The following BRI3BP variants were observed in gnomAD, a reference collection of about 807,000 sequenced individuals.
The protein encoded by BRI3BP is BRI3-binding protein.
BRI3BP carries 7 observed loss-of-function variants against 15.8 expected under a neutral mutation model. That is an observed-to-expected ratio of 0.44 (90% CI 0.25 to 0.83). BRI3BP has a LOEUF of 0.83. Among genes scored for constraint, BRI3BP ranks in the 40% least tolerant of loss-of-function variants. The probability of loss-of-function intolerance (pLI) is 0.20; values close to 1 mark genes in which losing one functional copy is unlikely to be tolerated. For missense variants in BRI3BP, 320 were observed against 339.3 expected (o/e 0.94, Z 0.45); for synonymous variants, 192 against 163.5 (o/e 1.17, Z -1.33).
chr12:125,014,868 G>T (rs924069688), intron 2 of BRI3BP, among the ~76,000 whole-genome samples: 1 of 152,158 alleles, frequency 6.6e-6, no homozygotes, highest in Non-Finnish European at 1.5e-5. Context: ...TCCTGGGCTC[G>T]TGATCCTCCC....
intron 1 of BRI3BP, among the ~76,000 whole-genome samples, chr12:125,010,112 AAG>A (rs954629254): frequency 6.6e-6 from 1 of 151,864 alleles, no homozygotes; most frequent in African/African-American, 2.4e-5. Flanking sequence ...AAAAAAAAAA[AAG>A]AAGAAGAATA....
Position 125,030,948 on chromosome 12 carries a change from G to A in BRI3BP, c.*5518G>A, listed in dbSNP as rs1955401557. The A allele has an allele frequency of 6.7e-6, 1 of 150,144 alleles. No homozygotes were observed. Among genetic ancestry groups the A allele is most frequent in the African/African-American group, 2.4e-5 (1 of 41,080 alleles). 9.3% of individuals were successfully genotyped at this position (150,144 alleles called of 1,614,324 possible). On this transcript the variant is annotated 3_prime_UTR_variant, in exon 3 of 3. Transcript: ENST00000341446. ...TATAAATCCATTTGATTTGAATAGT[G>A]TGTGTGTGTACATGGTGTGTGTGTG...
the BRI3BP span, among the ~76,000 whole-genome samples, chr12:125,050,524 T>C: frequency 6.6e-6 from 1 of 152,256 alleles, no homozygotes; most frequent in Non-Finnish European, 1.5e-5. Flanking sequence ...AGAAGAGACC[T>C]GCAAATTCTG....
At chr12:125,012,307 T>G (rs1183589323) in intron 1 of BRI3BP, among the ~76,000 whole-genome samples, 1 of 152,178 alleles carries the variant, frequency 6.6e-6, no homozygotes, top group African/African-American at 2.4e-5. Context: ...AGGTGCCTTG[T>G]TCAGCCCTTG....
the BRI3BP span, among the ~76,000 whole-genome samples, chr12:125,050,280 G>T: frequency 6.6e-6 from 1 of 151,830 alleles, no homozygotes; most frequent in Admixed American, 6.6e-5. Flanking sequence ...AACCCGGGAG[G>T]CAGAGGTTGC....
intron 1 of BRI3BP, among the ~76,000 whole-genome samples, chr12:124,998,778 A>G (rs1440362157): frequency 1.3e-5 from 2 of 152,170 alleles, no homozygotes; most frequent in African/African-American, 4.8e-5. Flanking sequence ...ATATGACTAC[A>G]GTTTTTTAAA....
chr12:125,016,534 G>A (rs573388219), intron 2 of BRI3BP, among the ~76,000 whole-genome samples: 49 of 151,262 alleles, frequency 3.2e-4, no homozygotes, highest in African/African-American at 1.2e-3. Context: ...GTGGGGAGTG[G>A]GGGGTAGGAG....
chr12:125,033,958 G>T (rs1565909628), downstream of BRI3BP, among the ~76,000 whole-genome samples: 1 of 151,942 alleles, frequency 6.6e-6, no homozygotes, highest in South Asian at 2.1e-4. Context: ...TGGCCAGGCT[G>T]GTCTTGAACC....
intron 1 of BRI3BP, among the ~76,000 whole-genome samples, chr12:125,009,860 G>A (rs1955182306): frequency 6.6e-6 from 1 of 152,166 alleles, no homozygotes; most frequent in Non-Finnish European, 1.5e-5. Flanking sequence ...CCAGCACTTT[G>A]GGACGCCTAG....
At position 125,025,065 on chromosome 12, in the gene BRI3BP, G is replaced by A. The variant is rs551686377; in HGVS notation, c.391G>A (p.Val131Ile). The A allele has an allele frequency of 8.1e-6, 13 of 1,613,360 alleles. No homozygotes were observed. The highest frequency in any genetic ancestry group is 1.3e-5 in the African/African-American group (1 of 74,896). ...SPARALLLVG[V>I]VLLAYWFLSL... ...GGCCCGCGCGCTCCTGCTGGTCGGC[G>A]TCGTCCTCCTGGCCTACTGGTTCTT... is the stretch of plus-strand genomic sequence containing the variant. The change falls in exon 3 of 3, where the codon GTC becomes ATC. Residue 131 changes from valine to isoleucine, a missense_variant. Val to Ile is a conservative substitution (Grantham distance 29, BLOSUM62 3). Transcript: ENST00000341446.
Position 124,993,824 on chromosome 12 carries a change from C to T in BRI3BP, c.34C>T (p.Arg12Trp). The change falls in exon 1 of 3, where the codon CGG becomes TGG. Residue 12 changes from arginine to tryptophan, a missense_variant. By Grantham distance (101) the Arg-to-Trp change is moderately radical. Transcript: ENST00000341446. The part of the protein sequence containing the change: ...GARASGGPLA[R>W]AGLLLLLLLL... ...GCGCGCCTCAGGCGGGCCCCTGGCCCGGGCCGGGCTCCTGCTGCTGCTGCT... is the reference window on the plus strand; with the variant it reads ...GCGCGCCTCAGGCGGGCCCCTGGCCTGGGCCGGGCTCCTGCTGCTGCTGCT... The T allele has an allele frequency of 2.7e-6, 3 of 1,130,832 alleles. No individual in the cohort carries two copies. The highest frequency in any genetic ancestry group is 3.2e-6 in the Non-Finnish European group (3 of 927,768). The allele number at this position is 1,130,832 out of a possible 1,614,324, so 70.0% of individuals were successfully genotyped here.
the BRI3BP span, among the ~76,000 whole-genome samples, chr12:125,043,481 T>G: frequency 9.2e-5 from 14 of 152,050 alleles, no homozygotes; most frequent in Non-Finnish European, 1.9e-4. Context: ...TCCCAGCACT[T>G]TGGAAGGCCA....
the BRI3BP span, among the ~76,000 whole-genome samples, chr12:125,044,082 T>G: frequency 6.6e-6 from 1 of 152,120 alleles, no homozygotes; most frequent in Non-Finnish European, 1.5e-5. Flanking sequence ...TTACAAGTCT[T>G]CAACACAAAT....
At chr12:125,021,643 G>A (rs1955299747) in intron 2 of BRI3BP, among the ~76,000 whole-genome samples, 1 of 152,228 alleles carries the variant, frequency 6.6e-6, no homozygotes, top group Non-Finnish European at 1.5e-5. Context: ...GGAGGCCTCA[G>A]GAAACTTGTA....
intron 1 of BRI3BP, among the ~76,000 whole-genome samples, chr12:124,999,542 G>T (rs1284270564): frequency 6.6e-6 from 1 of 151,884 alleles, no homozygotes; most frequent in Non-Finnish European, 1.5e-5. Flanking sequence ...TCCTGCATCA[G>T]CCTCTCAAGT....
chr12:125,045,808 G>A, the BRI3BP span, among the ~76,000 whole-genome samples: 1 of 152,036 alleles, frequency 6.6e-6, no homozygotes, highest in Non-Finnish European at 1.5e-5. Context: ...TTTCTCAAAG[G>A]GTTTTAGTTC....
the BRI3BP span, among the ~76,000 whole-genome samples, chr12:125,047,320 T>TTGTATTTTTAGTACAAAAATACTAAC: frequency 3.9e-5 from 6 of 152,208 alleles, no homozygotes; most frequent in East Asian, 9.7e-4. Context: ...GGCTAATTTT[T>TTGTATTTTTAGTACAAAAATACTAAC]TGTATTTTTA....
chr12:125,016,295 G>A lies in BRI3BP; in HGVS notation c.316+3659G>A, dbSNP rs74796168. On this transcript the variant is annotated intron_variant, in intron 2 of 2. Transcript: ENST00000341446. ...GCTTTACAGGAAGCCATACACCAAC[G>A]TTGGATATTCTGGTAAAAAAGGTTT... Among the ~76,000 whole-genome samples the A allele has an allele frequency of 1.8e-3, 278 of 151,328 alleles. 4 individuals are homozygous for A. Among genetic ancestry groups the A allele is most frequent in the African/African-American group, 6.1e-3 (250 of 41,244 alleles).
At chr12:125,037,340 G>A in the BRI3BP span, among the ~76,000 whole-genome samples, 6 of 152,176 alleles carry the variant, frequency 3.9e-5, no homozygotes, top group Non-Finnish European at 8.8e-5. Flanking sequence ...TTACAGGCGT[G>A]AGCCGCCACG....
Sources: allele counts gnomAD v4.1 joint callset (sites outside exome capture counted in the v4.1 genomes callset), GRCh38; gene constraint gnomAD v4.1.1; transcripts MANE v1.5; gene names NCBI Gene and HGNC (gene_info 2026-07-23, HGNC 2026-07-21).